ABCA10: variants seen among roughly 807,000 people sequenced by gnomAD.
ABCA10 encodes ATP binding cassette subfamily A member 10.
ABCA10 carries 169 observed loss-of-function variants against 187.5 expected under a neutral mutation model. The ratio of observed to expected loss-of-function variants is 0.90; its 90% CI spans 0.80 to 1.02. The LOEUF is 1.02. Ranked by LOEUF, ABCA10 falls within the 50% of genes least tolerant of loss-of-function variation. The pLI, the probability that ABCA10 is intolerant of heterozygous loss-of-function variation, is 0.00. For synonymous variants in ABCA10, 574 were observed against 601.8 expected (o/e 0.95, Z 0.68); for missense variants, 1,727 against 1,812.4 (o/e 0.95, Z 0.86).
Position 69,212,534 on chromosome 17 carries a change from C to A in ABCA10, c.1006+2170G>T, listed in dbSNP as rs1008028338. On this transcript the variant is annotated intron_variant, in intron 9 of 38. Transcript: ENST00000690296. ...CTTTGTTAACTTTCTATCTTGATGACCTGTTCAGTGCTGTCAGTGGAGTAT... is the reference window on the plus strand; with the variant it reads ...CTTTGTTAACTTTCTATCTTGATGAACTGTTCAGTGCTGTCAGTGGAGTAT... 2.0e-4 allele frequency among the ~76,000 whole-genome samples: 30 copies of A among 152,248 alleles called. 1 individual carries two copies. Among genetic ancestry groups the A allele is most frequent in the Non-Finnish European group, 3.5e-4 (24 of 68,024 alleles).
At chr17:69,155,763 C>T in intron 29 of ABCA10, 42 bp downstream of exon 29, 1 of 1,593,532 alleles carries the variant, frequency 6.3e-7, no homozygotes, top group Non-Finnish European at 8.5e-7. Context: ...AGAGGACAAA[C>T]TATCTGAGCA....
Position 69,153,840 on chromosome 17 carries a change from C to A in ABCA10, c.3956G>T (p.Ser1319Ile). 1 of 1,613,062 alleles carries A rather than the reference C, an allele frequency of 6.2e-7. No homozygotes were observed. The highest frequency in any genetic ancestry group is 1.7e-4 in the Middle Eastern group (1 of 6,052). Residue 1319 changes from serine (S) to isoleucine (I), a missense_variant, in exon 32 of 39, where the codon AGT becomes ATT. Physicochemically the swap from Ser to Ile is moderately radical, Grantham distance 142 (BLOSUM62 -2). Transcript: ENST00000690296. ...AGACTTCTCTCTGTACCGTGAAATA[C>A]TGAGAGCAGCATCTTCTTTGCCCAG... ...KGLGKEDAAL[S>I]ISRLVEALKL...
At chr17:69,210,268 C>T (rs2074630833) in intron 9 of ABCA10, among the ~76,000 whole-genome samples, 1 of 141,680 alleles carries the variant, frequency 7.1e-6, no homozygotes, top group Admixed American at 7.2e-5. Flanking sequence ...CGGCTCACTG[C>T]AAGCTCCGCT....
chr17:69,214,605 A>C (rs2074688940), intron 9 of ABCA10, 99 bp downstream of exon 9: 4 of 1,104,200 alleles, frequency 3.6e-6, no homozygotes, highest in Middle Eastern at 3.2e-4. Flanking sequence ...CTTCTCTACT[A>C]TCAGAAATGC....
chr17:69,154,038 C>G (rs1852133042), intron 31 of ABCA10, 29 bp from the exon 32 acceptor site: 1 of 1,599,134 alleles, frequency 6.3e-7, no homozygotes, highest in African/African-American at 1.3e-5. Flanking sequence ...GTCAGATTCA[C>G]CTTTGGTTTT....
intron 26 of ABCA10, 26 bp downstream of exon 26, chr17:69,164,938 G>A (rs2074244659): frequency 6.2e-7 from 1 of 1,609,112 alleles, no homozygotes; most frequent in Non-Finnish European, 8.5e-7. Flanking sequence ...GTCAAGACTG[G>A]AGACACAGTA....
intron 27 of ABCA10, among the ~76,000 whole-genome samples, chr17:69,161,357 CTA>C (rs2074216913): frequency 1.3e-5 from 2 of 152,230 alleles, no homozygotes; most frequent in African/African-American, 4.8e-5. Flanking sequence ...AAAAACTGAA[CTA>C]TATATTTAAA....
At chr17:69,197,499 A>C (rs978722214) in intron 10 of ABCA10, among the ~76,000 whole-genome samples, 3 of 152,150 alleles carry the variant, frequency 2.0e-5, no homozygotes, top group African/African-American at 7.2e-5. Flanking sequence ...TCAAAATAAT[A>C]ATCTTTACTC....
chr17:69,196,969 G>C (rs2074509464), intron 11 of ABCA10, 95 bp downstream of exon 11: 1 of 899,976 alleles, frequency 1.1e-6, no homozygotes, highest in Non-Finnish European at 1.6e-6. Context: ...CGGCACTACA[G>C]TCCAGCCTCC....
Position 69,197,097 on chromosome 17 carries a change from T to C in ABCA10, c.1201A>G (p.Asn401Asp). The C allele has an allele frequency of 1.3e-6, 2 of 1,595,968 alleles. No homozygotes were observed. Among genetic ancestry groups the C allele is most frequent in the Non-Finnish European group, 1.7e-6 (2 of 1,166,854 alleles). ...IRIRNVIKEYNGKTGKVEALQ... is the reference protein window; with the variant it reads ...IRIRNVIKEYDGKTGKVEALQ... ...GCTTCTACTTTTCCAGTCTTTCCAT[T>C]ATATTCTTTTATAACATTTCTGATT... The change falls in exon 11 of 39, where the codon AAT becomes GAT. Residue 401 changes from asparagine to aspartate, a missense_variant. Physicochemically the swap from Asn to Asp is conservative, Grantham distance 23. Transcript: ENST00000690296.
chr17:69,149,930 CA>C, intron 37 of ABCA10, 53 bp downstream of exon 37: 1 of 1,356,458 alleles, frequency 7.4e-7, no homozygotes, highest in African/African-American at 1.5e-5. Context: ...CTATATTCCA[CA>C]TGAAAATATG....
intron 1 of ABCA10, among the ~76,000 whole-genome samples, chr17:69,236,403 C>T (rs561941093): frequency 6.6e-6 from 1 of 152,262 alleles, no homozygotes; most frequent in Admixed American, 6.5e-5. Flanking sequence ...TAACTGAAAA[C>T]AGCACTGAAA....
intron 26 of ABCA10, 128 bp downstream of exon 26, chr17:69,164,836 A>AT: frequency 1.6e-6 from 2 of 1,223,702 alleles, no homozygotes; most frequent in Non-Finnish European, 2.2e-6. Context: ...TTAAAATCTT[A>AT]TTTTTAGAAT....
chr17:69,219,093 C>T (rs1598123119), intron 6 of ABCA10, among the ~76,000 whole-genome samples: 2 of 152,010 alleles, frequency 1.3e-5, no homozygotes, highest in Non-Finnish European at 2.9e-5. Context: ...GAGACTTGCC[C>T]CCTTGTGTTT....
At chr17:69,150,797 A>G (rs1158809867) in intron 36 of ABCA10, among the ~76,000 whole-genome samples, 2 of 152,206 alleles carry the variant, frequency 1.3e-5, no homozygotes. Flanking sequence ...ACGTATGTGT[A>G]GTGACTACCA....
At chr17:69,149,485 G>C (rs1214115600) in intron 37 of ABCA10, among the ~76,000 whole-genome samples, 2 of 152,038 alleles carry the variant, frequency 1.3e-5, no homozygotes, top group Non-Finnish European at 2.9e-5. Context: ...AGTGTCTCTG[G>C]AACTAGTTCA....
intron 9 of ABCA10, 63 bp from the exon 10 acceptor site, chr17:69,201,731 C>A: frequency 3.2e-6 from 4 of 1,241,990 alleles, no homozygotes; most frequent in Non-Finnish European, 4.3e-6. Flanking sequence ...AAAGGGACAT[C>A]TGTCCTTTAC....
At position 69,191,216 on chromosome 17, in the gene ABCA10, A is replaced by C. The variant is rs1231949528; in HGVS notation, c.1971T>G (p.Leu657=). ...AKLTTESEEK[L]VYSLPLEKTN... Reference sequence around the variant, plus strand: ...TTTTTTCCAAAGGCAAACTATATACAAGTTTTTCTTCACTTTCTGTTGTTA... The same window carrying C: ...TTTTTTCCAAAGGCAAACTATATACCAGTTTTTCTTCACTTTCTGTTGTTA... The change falls in exon 17 of 39, where the codon CTT becomes CTG. Residue 657 remains leucine, a synonymous_variant. Coordinates refer to ENST00000690296, the MANE Select transcript of ABCA10 (RefSeq NM_001377321.1). The C allele has an allele frequency of 1.2e-6, 2 of 1,604,012 alleles. No homozygotes were observed. The highest frequency in any genetic ancestry group is 1.7e-6 in the Non-Finnish European group (2 of 1,174,590).
chr17:69,199,733 C>A (rs1033996567), intron 10 of ABCA10, among the ~76,000 whole-genome samples: 3 of 152,220 alleles, frequency 2.0e-5, no homozygotes, highest in Non-Finnish European at 4.4e-5. Context: ...GGATCAAACT[C>A]ATGATCCTGG....
Sources: allele counts gnomAD v4.1 joint callset (sites outside exome capture counted in the v4.1 genomes callset), GRCh38; gene constraint gnomAD v4.1.1; transcripts MANE v1.5; gene names NCBI Gene and HGNC (gene_info 2026-07-23, HGNC 2026-07-21).